DAB1: variants seen among roughly 807,000 people sequenced by gnomAD.
DAB1 encodes disabled homolog 1.
Under a neutral mutation model 64.6 loss-of-function variants are expected in DAB1, and 15 were observed. The observed-to-expected ratio is 0.23, with a 90% CI of 0.16 to 0.36. The LOEUF (loss-of-function observed/expected upper bound fraction) is 0.36, where lower values mean the gene tolerates loss of function less well. DAB1 is among the 10% of genes least tolerant of loss of function. DAB1 has a pLI of 1.00. For synonymous variants in DAB1, 235 were observed against 251.9 expected (o/e 0.93, Z 0.64); for missense variants, 596 against 706.7 (o/e 0.84, Z 1.78).
At chr1:57,754,872 G>A (rs1648728546) in intron 6 of DAB1, among the ~76,000 whole-genome samples, 1 of 152,108 alleles carries the variant, frequency 6.6e-6, no homozygotes, top group Admixed American at 6.5e-5. Flanking sequence ...CAATATCAAA[G>A]CTGAGCTCCA....
At chr1:57,431,502 C>A (rs1218533153) in intron 7 of DAB1, among the ~76,000 whole-genome samples, 1 of 152,188 alleles carries the variant, frequency 6.6e-6, no homozygotes, top group Admixed American at 6.5e-5. Flanking sequence ...AACAGAACAT[C>A]TCTTCTTTCA....
chr1:58,140,071 G>A (rs192315218), intron 5 of DAB1, among the ~76,000 whole-genome samples: 2 of 152,184 alleles, frequency 1.3e-5, no homozygotes, highest in East Asian at 1.9e-4. Context: ...CACCCCTACC[G>A]TACTACCCTT....
intron 3 of DAB1, among the ~76,000 whole-genome samples, chr1:58,493,661 T>C (rs1411984816): frequency 6.6e-6 from 1 of 151,560 alleles, no homozygotes; most frequent in South Asian, 2.1e-4. Flanking sequence ...TGAACTCCCA[T>C]TCACAATTGC....
chr1:57,001,234 T>A (rs934840025), intron 14 of DAB1, among the ~76,000 whole-genome samples: 1 of 152,214 alleles, frequency 6.6e-6, no homozygotes, highest in Non-Finnish European at 1.5e-5. Flanking sequence ...TGAGCTATTT[T>A]CAAAATTCCA....
At chr1:57,312,180 T>C (rs936913162) in intron 1 of DAB1, among the ~76,000 whole-genome samples, 44 of 152,320 alleles carry the variant, frequency 2.9e-4, no homozygotes, top group African/African-American at 1.0e-3. Context: ...TTGGGGTCTC[T>C]CCCTTAGTAG....
At chr1:57,340,477 G>C (rs936047843) in intron 1 of DAB1, among the ~76,000 whole-genome samples, 3 of 152,200 alleles carry the variant, frequency 2.0e-5, no homozygotes, top group African/African-American at 7.2e-5. Flanking sequence ...CAGATATGCT[G>C]TACTTGAATT....
intron 6 of DAB1, among the ~76,000 whole-genome samples, chr1:57,817,320 T>C (rs918339664): frequency 6.6e-6 from 1 of 152,170 alleles, no homozygotes; most frequent in Non-Finnish European, 1.5e-5. Context: ...ACCAACTGCA[T>C]AAAAGGAAGA....
chr1:58,176,113 G>A (rs1331323115), intron 4 of DAB1, among the ~76,000 whole-genome samples: 1 of 152,184 alleles, frequency 6.6e-6, no homozygotes, highest in Non-Finnish European at 1.5e-5. Context: ...TGACCTCCAT[G>A]TCATTCACTG....
At chr1:57,980,799 C>A (rs1259276387) in intron 5 of DAB1, among the ~76,000 whole-genome samples, 1 of 152,062 alleles carries the variant, frequency 6.6e-6, no homozygotes, top group Non-Finnish European at 1.5e-5. Context: ...TATTAAAAGT[C>A]TGCAAAATAG....
At chr1:57,163,422 C>T (rs1660943581) in intron 2 of DAB1, among the ~76,000 whole-genome samples, 1 of 151,784 alleles carries the variant, frequency 6.6e-6, no homozygotes, top group South Asian at 2.1e-4. Context: ...CAGAAAGGAG[C>T]TAGTATGATC....
intron 1 of DAB1, among the ~76,000 whole-genome samples, chr1:57,370,615 G>GAAA (rs5774340): frequency 7.0e-6 from 1 of 142,714 alleles, no homozygotes; most frequent in Admixed American, 7.0e-5. Context: ...GACAAACAGA[G>GAAA]AAAAAAAAAA....
chr1:57,431,397 T>C (rs540802888), intron 7 of DAB1, among the ~76,000 whole-genome samples: 1 of 152,344 alleles, frequency 6.6e-6, no homozygotes, highest in East Asian at 1.9e-4. Context: ...GATACTTCTC[T>C]TGTATGCCTT....
intron 1 of DAB1, among the ~76,000 whole-genome samples, chr1:57,319,867 C>T (rs1408193678): frequency 6.6e-6 from 1 of 152,052 alleles, no homozygotes; most frequent in Non-Finnish European, 1.5e-5. Flanking sequence ...ATCCTGGCTG[C>T]CCTGGCTTCT....
chr1:58,042,301 G>T (rs1647148635), intron 5 of DAB1, among the ~76,000 whole-genome samples: 1 of 152,186 alleles, frequency 6.6e-6, no homozygotes, highest in Non-Finnish European at 1.5e-5. Context: ...ATAAATAGAG[G>T]CTTTAAAACT....
chr1:58,082,815 AGG>A (rs1262797539), intron 5 of DAB1, among the ~76,000 whole-genome samples: 1 of 151,600 alleles, frequency 6.6e-6, no homozygotes, highest in Non-Finnish European at 1.5e-5. Context: ...GGTGGGGGGG[AGG>A]GGTGGCCACC....
At chr1:57,270,426 A>G (rs1670904133) in intron 2 of DAB1, among the ~76,000 whole-genome samples, 1 of 152,250 alleles carries the variant, frequency 6.6e-6, no homozygotes. Flanking sequence ...AGTACTTACC[A>G]TGTGACAGAC....
chr1:58,116,039 TA>T (rs531988046), intron 5 of DAB1, among the ~76,000 whole-genome samples: 3,816 of 146,144 alleles, frequency 0.026, 143 homozygotes, highest in African/African-American at 0.085. Context: ...AAAATAAAAA[TA>T]AAAAAAAATA....
chr1:57,374,669 C>G (rs556637660), intron 1 of DAB1, among the ~76,000 whole-genome samples: 7 of 152,312 alleles, frequency 4.6e-5, no homozygotes, highest in South Asian at 4.2e-4. Context: ...TGCCCATGAA[C>G]AGGACAGCTT....
intron 1 of DAB1, among the ~76,000 whole-genome samples, chr1:57,395,209 A>G (rs1682708093): frequency 6.6e-6 from 1 of 152,086 alleles, no homozygotes; most frequent in Admixed American, 6.6e-5. Flanking sequence ...TATTTTTAGT[A>G]GAGACGGGGT....
Sources: gnomAD v4.1 joint callset for allele counts (sites outside exome capture counted in the v4.1 genomes callset) on GRCh38, gnomAD v4.1.1 for gene constraint, MANE v1.5 for transcripts, NCBI Gene and HGNC (gene_info 2026-07-23, HGNC 2026-07-21) for gene names.